The following TRPC4AP variants were observed in gnomAD, a reference collection of about 807,000 sequenced individuals.
TRPC4AP encodes the protein short transient receptor potential channel 4-associated protein.
A neutral mutation model predicts 99.0 loss-of-function variants in TRPC4AP; 45 were observed. The ratio of observed to expected loss-of-function variants is 0.45; its 90% CI spans 0.36 to 0.58. The LOEUF (loss-of-function observed/expected upper bound fraction) is 0.58, where lower values mean the gene tolerates loss of function less well. Ranked by LOEUF, TRPC4AP falls within the 20% of genes least tolerant of loss-of-function variation. The probability of loss-of-function intolerance (pLI) is 0.00; values close to 1 mark genes in which losing one functional copy is unlikely to be tolerated. For missense variants in TRPC4AP, 879 were observed against 985.3 expected, an observed-to-expected ratio of 0.89 and a Z score of 1.44; for synonymous variants, 408 against 385.8, an observed-to-expected ratio of 1.06 and a Z score of -0.67.
At chr20:35,071,614 A>T (rs1357140019) in intron 2 of TRPC4AP, among the ~76,000 whole-genome samples, 2 of 152,054 alleles carry the variant, frequency 1.3e-5, no homozygotes, top group African/African-American at 4.8e-5. Context: ...ACATGAACTC[A>T]TCATTTTTTA....
chr20:35,065,759 A>G (rs1241214329), intron 3 of TRPC4AP, among the ~76,000 whole-genome samples: 1 of 152,226 alleles, frequency 6.6e-6, no homozygotes, highest in East Asian at 1.9e-4. Context: ...ATGTCCGAAG[A>G]TGGGATAGGC....
At chr20:35,072,270 A>C (rs936093485) in intron 2 of TRPC4AP, among the ~76,000 whole-genome samples, 1 of 151,874 alleles carries the variant, frequency 6.6e-6, no homozygotes, top group Non-Finnish European at 1.5e-5. Context: ...TGCTATGCAG[A>C]AGCTCTTTAG....
chr20:35,028,211 C>CTT (rs71196775), intron 8 of TRPC4AP, among the ~76,000 whole-genome samples: 85,767 of 146,970 alleles, frequency 0.58, 25,593 homozygotes, highest in Middle Eastern at 0.74. Flanking sequence ...AAAATATTTC[C>CTT]TTTTTTTTTT....
At chr20:35,091,500 C>T (rs1233291908) in intron 1 of TRPC4AP, among the ~76,000 whole-genome samples, 2 of 152,104 alleles carry the variant, frequency 1.3e-5, no homozygotes, top group African/African-American at 2.4e-5. Context: ...CCATTTTCTC[C>T]CCCTTTAGCC....
At chr20:35,054,602 T>C (rs998941164) in intron 5 of TRPC4AP, among the ~76,000 whole-genome samples, 1 of 152,208 alleles carries the variant, frequency 6.6e-6, no homozygotes, top group African/African-American at 2.4e-5. Context: ...GCGGGGCTTC[T>C]GGTTCTCATT....
At chr20:35,091,267 GGGTCTTAAGTCA>G (rs1250925995) in intron 1 of TRPC4AP, among the ~76,000 whole-genome samples, 2 of 152,012 alleles carry the variant, frequency 1.3e-5, no homozygotes. Context: ...TGGGATTACA[GGGTCTTAAGTCA>G]GGTCTTAAGA....
intron 1 of TRPC4AP, among the ~76,000 whole-genome samples, chr20:35,081,990 C>A (rs2084659427): frequency 6.6e-6 from 1 of 151,792 alleles, no homozygotes; most frequent in African/African-American, 2.4e-5. Flanking sequence ...GTCTCAAAAA[C>A]AAAACAAAAC....
chr20:35,086,778 T>C (rs2084895449), intron 1 of TRPC4AP, among the ~76,000 whole-genome samples: 1 of 152,010 alleles, frequency 6.6e-6, no homozygotes, highest in South Asian at 2.1e-4. Context: ...CTCACATCTG[T>C]AATCCCAGCA....
chr20:35,027,773 G>C (rs1367866400), intron 8 of TRPC4AP, among the ~76,000 whole-genome samples: 1 of 152,086 alleles, frequency 6.6e-6, no homozygotes, highest in African/African-American at 2.4e-5. Flanking sequence ...TTTCATCTAG[G>C]TTATTTAGTT....
chr20:35,044,641 A>C lies in TRPC4AP; in HGVS notation c.729T>G (p.Ala243=), dbSNP rs778028972. 1 of 1,614,228 alleles carries C rather than the reference A, an allele frequency of 6.2e-7. No individual in the cohort carries two copies. Residue 243 remains alanine (A), a synonymous_variant, in exon 7 of 19, where the codon GCT becomes GCG. Transcript: ENST00000252015. ...LVSNFDQQQL[A]NFCRILAVTI... ...TGACAGCCAGAATCCGGCAGAAATT[A>C]GCGAGCTGCTGCTGATCGAAATTGG...
chr20:35,066,911 G>C (rs1476165116), intron 3 of TRPC4AP, among the ~76,000 whole-genome samples: 1 of 151,986 alleles, frequency 6.6e-6, no homozygotes, highest in African/African-American at 2.4e-5. Context: ...ACAGAAAACT[G>C]GCAGAAAAGG....
chr20:35,063,100 G>C (rs187860748), intron 3 of TRPC4AP, among the ~76,000 whole-genome samples: 15 of 152,344 alleles, frequency 9.8e-5, no homozygotes, highest in African/African-American at 3.6e-4. Context: ...TGCTGTTCTC[G>C]TGATAACGAG....
chr20:35,004,123 G>T (rs2082460763), intron 17 of TRPC4AP, among the ~76,000 whole-genome samples: 3 of 152,216 alleles, frequency 2.0e-5, no homozygotes, highest in Admixed American at 2.0e-4. Context: ...TCAGAGAAGG[G>T]AAGGCTGCAT....
intron 1 of TRPC4AP, among the ~76,000 whole-genome samples, chr20:35,079,104 A>G (rs1215531974): frequency 6.6e-6 from 1 of 152,166 alleles, no homozygotes; most frequent in East Asian, 1.9e-4. Context: ...TAAATCACAT[A>G]AAAAGAAAGA....
At chr20:35,082,596 C>CT (rs1303906771) in intron 1 of TRPC4AP, among the ~76,000 whole-genome samples, 1 of 152,088 alleles carries the variant, frequency 6.6e-6, no homozygotes, top group Non-Finnish European at 1.5e-5. Flanking sequence ...ACCCTGATAC[C>CT]AAAACCTGTC....
chr20:35,042,913 A>C (rs1279249997), intron 7 of TRPC4AP, among the ~76,000 whole-genome samples: 1 of 152,162 alleles, frequency 6.6e-6, no homozygotes, highest in East Asian at 1.9e-4. Flanking sequence ...CACTGCTACT[A>C]CCTTCCCTTA....
chr20:35,023,110 T>C (rs2082933720), intron 8 of TRPC4AP, among the ~76,000 whole-genome samples: 1 of 151,976 alleles, frequency 6.6e-6, no homozygotes, highest in African/African-American at 2.4e-5. Flanking sequence ...AATCACAACC[T>C]TGGAAGACGA....
intron 3 of TRPC4AP, among the ~76,000 whole-genome samples, chr20:35,065,009 A>C (rs1466262361): frequency 6.6e-6 from 1 of 152,224 alleles, no homozygotes; most frequent in African/African-American, 2.4e-5. Context: ...ATGAGTAGTA[A>C]TGTTTAAAGC....
intron 1 of TRPC4AP, among the ~76,000 whole-genome samples, chr20:35,090,264 T>A (rs2085016920): frequency 6.6e-6 from 1 of 151,490 alleles, no homozygotes; most frequent in South Asian, 2.1e-4. Flanking sequence ...GCAGGGGGTC[T>A]CTACTTCAAC....
Sources: allele counts gnomAD v4.1 joint callset (sites outside exome capture counted in the v4.1 genomes callset), GRCh38; gene constraint gnomAD v4.1.1; transcripts MANE v1.5; gene names NCBI Gene and HGNC (gene_info 2026-07-23, HGNC 2026-07-21).